SAMD5: variants seen among roughly 807,000 people sequenced by gnomAD.
SAMD5 encodes sterile alpha motif domain-containing protein 5.
SAMD5 carries 13 observed loss-of-function variants against 11.3 expected under a neutral mutation model. That is an observed-to-expected ratio of 1.15 (90% CI 0.75 to 1.83). The LOEUF (loss-of-function observed/expected upper bound fraction) is 1.83. Among genes scored for constraint, SAMD5 ranks in the 40% most tolerant of loss-of-function variants. SAMD5 has a pLI of 0.00. For synonymous variants in SAMD5, 129 were observed against 111.3 expected (o/e 1.16, Z -1.00); for missense variants, 255 against 239.1 (o/e 1.07, Z -0.44).
the SAMD5 span, among the ~76,000 whole-genome samples, chr6:147,909,506 G>T: frequency 6.6e-6 from 1 of 151,996 alleles, no homozygotes; most frequent in African/African-American, 2.4e-5. Context: ...ATTATTAAAT[G>T]GGAAAAGAGC....
intron 1 of SAMD5, among the ~76,000 whole-genome samples, chr6:147,668,032 G>A (rs955456189): frequency 2.6e-5 from 4 of 151,980 alleles, no homozygotes; most frequent in African/African-American, 9.7e-5. Flanking sequence ...TAAAAATTAC[G>A]TCTAACTAAA....
intron 1 of SAMD5, among the ~76,000 whole-genome samples, chr6:147,642,707 T>G (rs918289186): frequency 6.6e-6 from 1 of 152,188 alleles, no homozygotes; most frequent in Non-Finnish European, 1.5e-5. Context: ...GACTTTTTGT[T>G]TTCTTTCTAA....
At chr6:147,794,608 T>A in the SAMD5 span, among the ~76,000 whole-genome samples, 1 of 152,218 alleles carries the variant, frequency 6.6e-6, no homozygotes, top group Non-Finnish European at 1.5e-5. Context: ...TAAAAGATGG[T>A]AAAGTTATGA....
At chr6:147,873,367 C>A in the SAMD5 span, among the ~76,000 whole-genome samples, 1 of 149,034 alleles carries the variant, frequency 6.7e-6, no homozygotes, top group Non-Finnish European at 1.5e-5. Flanking sequence ...CAGAGTGAGA[C>A]TCCATCTCAA....
At chr6:147,628,270 A>G (rs1294468237) in intron 1 of SAMD5, among the ~76,000 whole-genome samples, 3 of 152,172 alleles carry the variant, frequency 2.0e-5, no homozygotes, top group African/African-American at 7.2e-5. Context: ...TGAAAACTCT[A>G]TTTCTAGATC....
At chr6:147,654,194 G>C (rs1191633727) in intron 1 of SAMD5, among the ~76,000 whole-genome samples, 1 of 152,148 alleles carries the variant, frequency 6.6e-6, no homozygotes, top group Admixed American at 6.6e-5. Context: ...AGCCATAAAA[G>C]GAACAATGTT....
At chr6:147,890,345 T>A in the SAMD5 span, among the ~76,000 whole-genome samples, 1 of 150,656 alleles carries the variant, frequency 6.6e-6, no homozygotes, top group Non-Finnish European at 1.5e-5. Context: ...AAATGAGGTA[T>A]AATTTTTTCA....
chr6:147,573,127 G>T (rs999006708), downstream of SAMD5, among the ~76,000 whole-genome samples: 2 of 152,182 alleles, frequency 1.3e-5, no homozygotes, highest in Non-Finnish European at 2.9e-5. Context: ...ATGGGAGCCA[G>T]AAATGGACAT....
intron 1 of SAMD5, among the ~76,000 whole-genome samples, chr6:147,533,158 C>T (rs954677520): frequency 6.6e-6 from 1 of 152,104 alleles, no homozygotes; most frequent in Non-Finnish European, 1.5e-5. Flanking sequence ...ACCAATCCAC[C>T]AAGCCCCGGG....
the SAMD5 span, among the ~76,000 whole-genome samples, chr6:147,818,300 C>T: frequency 6.6e-6 from 1 of 152,120 alleles, no homozygotes; most frequent in Non-Finnish European, 1.5e-5. Context: ...CAAGAATACT[C>T]AAAATTTTAG....
At chr6:147,918,027 T>C in the SAMD5 span, among the ~76,000 whole-genome samples, 1 of 152,298 alleles carries the variant, frequency 6.6e-6, no homozygotes, top group East Asian at 1.9e-4. Context: ...CTTAGGATTG[T>C]CTTGGCGATG....
intron 1 of SAMD5, among the ~76,000 whole-genome samples, chr6:147,537,683 G>T (rs1474376457): frequency 1.3e-5 from 2 of 150,864 alleles, no homozygotes; most frequent in Admixed American, 6.6e-5. Flanking sequence ...GTGAACCCGG[G>T]AGGCGGAGCT....
the SAMD5 span, among the ~76,000 whole-genome samples, chr6:147,910,792 A>G: frequency 6.6e-6 from 1 of 152,222 alleles, no homozygotes; most frequent in Non-Finnish European, 1.5e-5. Context: ...CATATAATTA[A>G]TGACTAGTTA....
chr6:147,547,514 A>G (rs568831047), intron 1 of SAMD5, among the ~76,000 whole-genome samples: 6 of 152,252 alleles, frequency 3.9e-5, no homozygotes, highest in African/African-American at 1.4e-4. Flanking sequence ...ACTTCTTTTC[A>G]TGTGGCGCCT....
At chr6:147,874,550 A>G in the SAMD5 span, among the ~76,000 whole-genome samples, 1 of 151,666 alleles carries the variant, frequency 6.6e-6, no homozygotes, top group South Asian at 2.1e-4. Context: ...CAGGAGCTGG[A>G]GCATTTGGCC....
chr6:147,856,675 C>T, the SAMD5 span, among the ~76,000 whole-genome samples: 74 of 152,236 alleles, frequency 4.9e-4, no homozygotes, highest in African/African-American at 1.7e-3. Flanking sequence ...TAGATATGCT[C>T]GCTGAGCCAA....
chr6:147,908,898 G>C, the SAMD5 span, among the ~76,000 whole-genome samples: 1 of 152,252 alleles, frequency 6.6e-6, no homozygotes, highest in East Asian at 1.9e-4. Flanking sequence ...CTAAGCCTGA[G>C]ATAGGCATCC....
At chr6:147,705,478 T>C (rs1791313152) in intron 1 of SAMD5, among the ~76,000 whole-genome samples, 1 of 152,224 alleles carries the variant, frequency 6.6e-6, no homozygotes, top group African/African-American at 2.4e-5. Context: ...TATTTTTAGA[T>C]TATTGTTTTT....
chr6:147,704,272 G>A (rs979270193), intron 1 of SAMD5, among the ~76,000 whole-genome samples: 1 of 151,756 alleles, frequency 6.6e-6, no homozygotes, highest in African/African-American at 2.4e-5. Flanking sequence ...AGAAGATGTG[G>A]CCTACAAAAA....
Sources: gnomAD v4.1 joint callset for allele counts (sites outside exome capture counted in the v4.1 genomes callset) on GRCh38, gnomAD v4.1.1 for gene constraint, MANE v1.5 for transcripts, NCBI Gene and HGNC (gene_info 2026-07-23, HGNC 2026-07-21) for gene names.